The following RELN variants were observed in gnomAD, a reference collection of about 807,000 sequenced individuals.
RELN encodes reelin.
In RELN, 108 loss-of-function variants were observed where a neutral mutation model predicts 427.6. That is an observed-to-expected ratio of 0.25 (90% confidence interval 0.22 to 0.30). The LOEUF is 0.30. Among genes scored for constraint, RELN ranks in the 10% least tolerant of loss-of-function variants. The pLI, the probability that RELN is intolerant of heterozygous loss-of-function variation, is 1.00. For synonymous variants in RELN, 1,524 were observed against 1,513.4 expected (o/e 1.01, Z -0.16); for missense variants, 3,715 against 4,302.8 (o/e 0.86, Z 3.82).
At chr7:103,745,688 A>G (rs1039226265) in intron 6 of RELN, among the ~76,000 whole-genome samples, 7 of 150,068 alleles carry the variant, frequency 4.7e-5, no homozygotes, top group Non-Finnish European at 8.9e-5. Flanking sequence ...AGAATAAAAT[A>G]CCTAGGAATC....
chr7:103,748,830 T>C (rs890863844), intron 6 of RELN, among the ~76,000 whole-genome samples: 1 of 152,180 alleles, frequency 6.6e-6, no homozygotes, highest in Non-Finnish European at 1.5e-5. Flanking sequence ...ATTATGCAAA[T>C]TGATTTTCAT....
At chr7:103,756,107 C>T (rs1246848517) in intron 4 of RELN, among the ~76,000 whole-genome samples, 1 of 152,092 alleles carries the variant, frequency 6.6e-6, no homozygotes, top group Non-Finnish European at 1.5e-5. Context: ...CATTAAATGA[C>T]TTTGGTGACT....
rs147381799 is a variant in RELN at position 103,978,089 on chromosome 7, T to C, written c.226+11042A>G. Among the ~76,000 whole-genome samples, 157 of 152,316 alleles carry C rather than the reference T, an allele frequency of 1.0e-3. 1 individual carries two copies. Among genetic ancestry groups the C allele is most frequent in the African/African-American group, 3.6e-3 (148 of 41,562 alleles). ...CTTAAATTAATCAAAGAAATGAACATCTTTTTATTTGAGATTAAACATCTT... is the reference window on the plus strand; with the variant it reads ...CTTAAATTAATCAAAGAAATGAACACCTTTTTATTTGAGATTAAACATCTT... On this transcript the variant is annotated intron_variant, in intron 1 of 64. Coordinates refer to ENST00000428762, the MANE Select transcript of RELN (RefSeq NM_005045.4).
At chr7:103,974,301 A>G (rs1464482281) in intron 1 of RELN, among the ~76,000 whole-genome samples, 1 of 152,182 alleles carries the variant, frequency 6.6e-6, no homozygotes, top group Non-Finnish European at 1.5e-5. Context: ...AGACATAGAG[A>G]AGTGAGATCC....
intron 3 of RELN, among the ~76,000 whole-genome samples, chr7:103,778,213 A>C (rs1791794944): frequency 6.6e-6 from 1 of 152,238 alleles, no homozygotes; most frequent in Non-Finnish European, 1.5e-5. Context: ...TACAGATTTT[A>C]TGACCAGAGG....
chr7:103,795,652 C>T (rs1020082826), intron 3 of RELN, among the ~76,000 whole-genome samples: 4 of 152,050 alleles, frequency 2.6e-5, no homozygotes, highest in Non-Finnish European at 5.9e-5. Flanking sequence ...TTTGTTTTTG[C>T]AAACAAAGGC....
chr7:103,511,125 C>T, intron 50 of RELN, 120 bp from the exon 51 acceptor site: 1 of 719,140 alleles, frequency 1.4e-6, no homozygotes, highest in South Asian at 1.5e-5. Context: ...TATATACACT[C>T]TATAGACAAA....
At chr7:103,983,490 G>C (rs6975344) in intron 1 of RELN, among the ~76,000 whole-genome samples, 1 of 151,910 alleles carries the variant, frequency 6.6e-6, no homozygotes. Context: ...CAATTCCTGC[G>C]TTTGAACAGT....
At chr7:103,518,938 G>A (rs1829637553) in intron 49 of RELN, among the ~76,000 whole-genome samples, 1 of 151,868 alleles carries the variant, frequency 6.6e-6, no homozygotes, top group South Asian at 2.1e-4. Context: ...ATTTTATTGT[G>A]TTTCTTTGCT....
intron 64 of RELN, 108 bp from the exon 65 acceptor site, chr7:103,473,016 G>T: frequency 2.0e-6 from 2 of 988,604 alleles, no homozygotes; most frequent in Non-Finnish European, 3.3e-6. Flanking sequence ...TCTGATATTT[G>T]TTTGAAAATT....
At chr7:103,540,501 T>C in intron 43 of RELN, 46 bp from the exon 44 acceptor site, 2 of 1,597,826 alleles carry the variant, frequency 1.3e-6, no homozygotes, top group Non-Finnish European at 1.7e-6. Flanking sequence ...CCAAAAGAAA[T>C]CCACATGCTT....
In RELN at chr7:103,758,122, T is replaced by C. The variant is rs73412836; in HGVS notation, c.545-4908A>G. Among the ~76,000 whole-genome samples the C allele has an allele frequency of 8.2e-3, 1,243 of 152,274 alleles. 20 individuals are homozygous for C. The highest frequency in any genetic ancestry group is 0.028 in the African/African-American group (1,157 of 41,562). On this transcript the variant is annotated intron_variant, in intron 4 of 64. Coordinates refer to ENST00000428762, the MANE Select transcript of RELN (RefSeq NM_005045.4). Reference sequence around the variant, plus strand: ...GAATGTATTTGTGTTTCGATGAACTTTAAATCTCATTCAGAATAACCATAC... The same window carrying C: ...GAATGTATTTGTGTTTCGATGAACTCTAAATCTCATTCAGAATAACCATAC...
intron 2 of RELN, among the ~76,000 whole-genome samples, chr7:103,890,139 G>C (rs940994750): frequency 6.6e-6 from 1 of 151,392 alleles, no homozygotes; most frequent in Non-Finnish European, 1.5e-5. Context: ...TGTCTTACAG[G>C]TCTTCACCAT....
At chr7:103,966,771 G>T (rs1361360237) in intron 1 of RELN, among the ~76,000 whole-genome samples, 1 of 152,106 alleles carries the variant, frequency 6.6e-6, no homozygotes, top group African/African-American at 2.4e-5. Flanking sequence ...TGCCCATTTT[G>T]GAACACTAGT....
chr7:103,557,280 T>C (rs560704713), intron 37 of RELN, 121 bp from the exon 38 acceptor site: 3 of 861,766 alleles, frequency 3.5e-6, no homozygotes, highest in African/African-American at 3.3e-5. Flanking sequence ...GGAAGCTTTA[T>C]AGTCCAAATG....
intron 2 of RELN, among the ~76,000 whole-genome samples, chr7:103,877,544 G>A (rs1042869596): frequency 6.6e-6 from 1 of 151,984 alleles, no homozygotes; most frequent in African/African-American, 2.4e-5. Context: ...TTCTTTCCTG[G>A]ATTACTGCTG....
chr7:103,635,848 A>T (rs1028580920), intron 18 of RELN, among the ~76,000 whole-genome samples: 2 of 152,212 alleles, frequency 1.3e-5, no homozygotes, highest in East Asian at 3.9e-4. Flanking sequence ...ACATACACTT[A>T]AAATGCCAAT....
intron 2 of RELN, among the ~76,000 whole-genome samples, chr7:103,913,334 T>G (rs898953340): frequency 1.3e-5 from 2 of 152,186 alleles, no homozygotes; most frequent in East Asian, 3.9e-4. Flanking sequence ...TATTTAGACT[T>G]ACTAAATGCT....
chr7:103,553,341 A>T, intron 40 of RELN, 120 bp downstream of exon 40: 3 of 744,764 alleles, frequency 4.0e-6, no homozygotes, highest in South Asian at 3.2e-5. Flanking sequence ...AAAATCTCTT[A>T]CATCCTTGCA....
Sources: allele counts gnomAD v4.1 joint callset (sites outside exome capture counted in the v4.1 genomes callset), GRCh38; gene constraint gnomAD v4.1.1; transcripts MANE v1.5; gene names NCBI Gene and HGNC (gene_info 2026-07-23, HGNC 2026-07-21).